MARCHF1: variants seen among roughly 807,000 people sequenced by gnomAD.
MARCHF1 encodes the protein membrane associated ring-CH-type finger 1.
A neutral mutation model predicts 54.2 loss-of-function variants in MARCHF1; 40 were observed. The observed-to-expected ratio is 0.74, with a 90% CI of 0.57 to 0.96. The LOEUF (loss-of-function observed/expected upper bound fraction) is 0.96, where lower values mean the gene tolerates loss of function less well. Ranked by LOEUF, MARCHF1 falls within the 40% of genes least tolerant of loss-of-function variation. The pLI, the probability that MARCHF1 is intolerant of heterozygous loss-of-function variation, is 0.00. For missense variants in MARCHF1, 586 were observed against 656.5 expected, an observed-to-expected ratio of 0.89 and a Z score of 1.17; for synonymous variants, 236 against 236.3, an observed-to-expected ratio of 1.00 and a Z score of 0.01.
At chr4:163,701,585 C>T (rs1184128325) in intron 4 of MARCHF1, among the ~76,000 whole-genome samples, 1 of 152,150 alleles carries the variant, frequency 6.6e-6, no homozygotes, top group Non-Finnish European at 1.5e-5. Context: ...AGCCCAGAGA[C>T]ATTGTGTTCC....
chr4:163,739,954 G>A (rs1378243116), intron 4 of MARCHF1, among the ~76,000 whole-genome samples: 1 of 152,116 alleles, frequency 6.6e-6, no homozygotes, highest in Non-Finnish European at 1.5e-5. Context: ...TTGAATGATG[G>A]TAAAAGAAAT....
At position 163,848,611 on chromosome 4, in the gene MARCHF1, T is replaced by A. The variant is rs554412167; in HGVS notation, c.111+5410A>T. ...TGATTCAGTAAATTCCTTAAGGGTA[T>A]AGTCGGTATAAGATGTTTTTGTTTT... On this transcript the variant is annotated intron_variant, in intron 4 of 9. Coordinates refer to ENST00000514618, the MANE Select transcript of MARCHF1 (RefSeq NM_001394959.1). Among the ~76,000 whole-genome samples, 8 of 152,284 alleles carry A rather than the reference T, an allele frequency of 5.3e-5. No homozygotes were observed. In the South Asian group the frequency reaches 1.5e-3, roughly 28 times the overall value.
intron 5 of MARCHF1, among the ~76,000 whole-genome samples, chr4:163,661,022 G>T (rs1408072187): frequency 6.6e-6 from 1 of 151,768 alleles, no homozygotes; most frequent in East Asian, 1.9e-4. Flanking sequence ...GATAATCTTG[G>T]TTGTATTATC....
intron 3 of MARCHF1, among the ~76,000 whole-genome samples, chr4:163,936,573 T>C (rs1751799808): frequency 6.6e-6 from 1 of 152,170 alleles, no homozygotes; most frequent in Non-Finnish European, 1.5e-5. Flanking sequence ...CTAATGATGG[T>C]ACTTCAAGCT....
At chr4:163,635,863 G>C (rs182107053) in intron 5 of MARCHF1, among the ~76,000 whole-genome samples, 1 of 151,946 alleles carries the variant, frequency 6.6e-6, no homozygotes, top group African/African-American at 2.4e-5. Context: ...CTGGCAAAAC[G>C]AATCCAGCAG....
chr4:163,573,694 T>C (rs1458421048), intron 8 of MARCHF1, among the ~76,000 whole-genome samples: 2 of 151,976 alleles, frequency 1.3e-5, no homozygotes, highest in African/African-American at 4.8e-5. Flanking sequence ...TGCCACATTT[T>C]CTTAATCCAG....
chr4:164,174,003 C>T (rs1481874785), intron 1 of MARCHF1, among the ~76,000 whole-genome samples: 1 of 152,190 alleles, frequency 6.6e-6, no homozygotes, highest in Non-Finnish European at 1.5e-5. Flanking sequence ...GGTAATTACT[C>T]TGTAGAAATC....
intron 3 of MARCHF1, among the ~76,000 whole-genome samples, chr4:163,947,339 C>G (rs1355572839): frequency 6.6e-6 from 1 of 152,142 alleles, no homozygotes; most frequent in Non-Finnish European, 1.5e-5. Flanking sequence ...TGTTCCCAAA[C>G]TGTTGGCCAT....
intron 1 of MARCHF1, among the ~76,000 whole-genome samples, chr4:164,159,746 G>A (rs905100277): frequency 2.0e-5 from 3 of 152,268 alleles, no homozygotes; most frequent in African/African-American, 4.8e-5. Flanking sequence ...AGTTATCAGC[G>A]ATGGAAAGAA....
intron 4 of MARCHF1, among the ~76,000 whole-genome samples, chr4:163,846,591 C>G (rs1269080244): frequency 1.3e-5 from 2 of 152,060 alleles, no homozygotes; most frequent in Admixed American, 6.6e-5. Context: ...GGGAAACTAT[C>G]TGCAATATTC....
rs147782135 is a variant in MARCHF1 at position 163,539,415 on chromosome 4, TAAAC to T, written c.1339+6177_1339+6180del. Among the ~76,000 whole-genome samples, 1,415 of 152,358 alleles carry T rather than the reference TAAAC, an allele frequency of 9.3e-3. 25 individuals are homozygous for T. Among genetic ancestry groups the T allele is most frequent in the East Asian group, 0.069 (357 of 5,188 alleles). On this transcript the variant is annotated intron_variant, in intron 9 of 9. Coordinates refer to ENST00000514618, the MANE Select transcript of MARCHF1 (RefSeq NM_001394959.1). ...ATTTCATATGGTTGTTAGTGTGAGTTAAACAAATTAACGGTGCGTGACACATAGG... is the reference window on the plus strand; with the variant it reads ...ATTTCATATGGTTGTTAGTGTGAGTTAAATTAACGGTGCGTGACACATAGG...
At chr4:163,857,370 A>G (rs1749798140) in intron 3 of MARCHF1, among the ~76,000 whole-genome samples, 2 of 152,154 alleles carry the variant, frequency 1.3e-5, no homozygotes, top group Non-Finnish European at 2.9e-5. Flanking sequence ...ACAGGTCTGG[A>G]GTACTCATCA....
chr4:163,835,899 G>A (rs1484410758), intron 4 of MARCHF1, among the ~76,000 whole-genome samples: 2 of 151,892 alleles, frequency 1.3e-5, no homozygotes, highest in African/African-American at 4.8e-5. Context: ...TTATTACCTG[G>A]CTTGGTGATA....
At chr4:164,144,378 GCACCA>G (rs1410071426) in intron 1 of MARCHF1, among the ~76,000 whole-genome samples, 9 of 150,864 alleles carry the variant, frequency 6.0e-5, no homozygotes, top group Non-Finnish European at 1.0e-4. Flanking sequence ...ATTTTTTTCA[GCACCA>G]CACCACACCT....
chr4:164,148,020 A>G (rs1206760239), intron 1 of MARCHF1, among the ~76,000 whole-genome samples: 2 of 152,068 alleles, frequency 1.3e-5, no homozygotes, highest in Non-Finnish European at 2.9e-5. Context: ...TTTTATTTTA[A>G]TACCCAAATT....
chr4:164,190,029 A>G (rs768972553), intron 1 of MARCHF1: 18 of 1,386,320 alleles, frequency 1.3e-5, no homozygotes, highest in Non-Finnish European at 1.9e-5. Context: ...TGAGGAAGAC[A>G]CAAAGCTCAA....
At chr4:164,242,165 T>A (rs1732786984) in intron 1 of MARCHF1, among the ~76,000 whole-genome samples, 1 of 151,046 alleles carries the variant, frequency 6.6e-6, no homozygotes, top group South Asian at 2.1e-4. Context: ...AGGCTCCACC[T>A]CTGGGGGCAG....
At chr4:164,336,444 C>T (rs901853925) in intron 1 of MARCHF1, among the ~76,000 whole-genome samples, 2 of 152,174 alleles carry the variant, frequency 1.3e-5, no homozygotes, top group African/African-American at 4.8e-5. Flanking sequence ...TCATTTTATG[C>T]AAATCAGTTT....
rs1747239730 is a variant in MARCHF1, at chr4:163,774,186, TAA to T, written c.112-73325_112-73324del. Among the ~76,000 whole-genome samples, 3 of 152,176 alleles carry T rather than the reference TAA, an allele frequency of 2.0e-5. No individual in the cohort carries two copies. In the South Asian group the frequency reaches 6.2e-4, roughly 32 times the overall value. ...ATATTTAAATCATCTCCAGATTACT[TAA>T]AATACCTAAACAATGTAAGTGCTAT... is the stretch of plus-strand genomic sequence containing the variant. On this transcript the variant is annotated intron_variant, in intron 4 of 9. Transcript: ENST00000514618.
Sources: gnomAD v4.1 joint callset for allele counts (sites outside exome capture counted in the v4.1 genomes callset) on GRCh38, gnomAD v4.1.1 for gene constraint, MANE v1.5 for transcripts, NCBI Gene and HGNC (gene_info 2026-07-23, HGNC 2026-07-21) for gene names.